Variants in CREBBP observed in about 807,000 individuals in gnomAD.
The protein encoded by CREBBP is CREB binding lysine acetyltransferase.
In CREBBP, 19 loss-of-function variants were observed where a neutral mutation model predicts 265.0. That is an observed-to-expected ratio of 0.07 (90% confidence interval 0.05 to 0.11). The LOEUF (loss-of-function observed/expected upper bound fraction) is 0.11, where lower values mean the gene tolerates loss of function less well. Among genes scored for constraint, CREBBP ranks in the 10% least tolerant of loss-of-function variants. The probability of loss-of-function intolerance (pLI) is 1.00; values close to 1 mark genes in which losing one functional copy is unlikely to be tolerated. For missense variants in CREBBP, 2,525 were observed against 3,219.0 expected (o/e 0.78, Z 5.22); for synonymous variants, 1,457 against 1,223.7 (o/e 1.19, Z -3.98).
Position 3,782,692 on chromosome 16 carries a change from T to C in CREBBP, c.1565A>G (p.Asn522Ser), listed in dbSNP as rs61754521. The C allele has an allele frequency of 6.6e-5, 106 of 1,613,690 alleles. No individual in the cohort carries two copies. Among genetic ancestry groups the C allele is most frequent in the Non-Finnish European group, 8.6e-5 (101 of 1,179,916 alleles). The change falls in exon 6 of 31, where the codon AAC (asparagine) becomes AGC (serine). Residue 522 changes from asparagine (N) to serine (S), a missense_variant. Asn to Ser is a conservative substitution (Grantham distance 46, BLOSUM62 1). Transcript: ENST00000262367. ...AGAGTTCCTTCACCTACCCAGGGGGTTGAGAGTCCTCATCTGCTGGTGGGT... is the reference window on the plus strand; with the variant it reads ...AGAGTTCCTTCACCTACCCAGGGGGCTGAGAGTCCTCATCTGCTGGTGGGT... Reference protein sequence around the residue: ...PQTHQQMRTLNPLGNNPMNIP... With the variant: ...PQTHQQMRTLSPLGNNPMNIP...
intron 2 of CREBBP, among the ~76,000 whole-genome samples, chr16:3,826,906 G>A (rs961672659): frequency 1.3e-5 from 2 of 152,150 alleles, no homozygotes; most frequent in African/African-American, 4.8e-5. Flanking sequence ...AAAGGTAAGA[G>A]GCTAACAATA....
At chr16:3,830,826 G>C (rs1392939612) in intron 2 of CREBBP, among the ~76,000 whole-genome samples, 2 of 152,108 alleles carry the variant, frequency 1.3e-5, no homozygotes, top group South Asian at 2.1e-4. Flanking sequence ...TCCGTACCCA[G>C]GCTGAAGTGC....
At chr16:3,769,136 G>A (rs199594207) in intron 15 of CREBBP, 38 bp downstream of exon 15, 143 of 1,611,964 alleles carry the variant, frequency 8.9e-5, no homozygotes, top group Non-Finnish European at 1.1e-4. Context: ...GTAAAGTTGC[G>A]ATACGCAGTC....
At chr16:3,762,935 C>T (rs779805462) in intron 16 of CREBBP, among the ~76,000 whole-genome samples, 6 of 151,974 alleles carry the variant, frequency 3.9e-5, no homozygotes, top group Admixed American at 1.3e-4. Flanking sequence ...TCACCATGGC[C>T]GGCTAATTTT....
intron 1 of CREBBP, among the ~76,000 whole-genome samples, chr16:3,865,788 G>A (rs557125317): frequency 1.3e-5 from 2 of 152,124 alleles, no homozygotes; most frequent in South Asian, 2.1e-4. Context: ...ACAGGTGCAC[G>A]CCATCACACC....
chr16:3,849,420 T>TGTGTGTGTGTGTGTGTGTG (rs2054744220), intron 2 of CREBBP, among the ~76,000 whole-genome samples: 2 of 6,784 alleles, frequency 2.9e-4, no homozygotes, highest in African/African-American at 3.5e-4. Flanking sequence ...TGTGTGTGTG[T>TGTGTGTGTGTGTGTGTGTG]GTGTGTGTGT....
chr16:3,843,965 G>C lies in CREBBP; in HGVS notation c.798+6332C>G, dbSNP rs560441696. ...AGATCGAGACCATCCCGGCTAAAAC[G>C]GTGAAACCCCGTCTCTACTAAAAAT... On this transcript the variant is annotated intron_variant, in intron 2 of 30. Transcript: ENST00000262367. Among the ~76,000 whole-genome samples, 3 of 150,852 alleles carry C rather than the reference G, an allele frequency of 2.0e-5. No individual in the cohort carries two copies. In the South Asian group the frequency reaches 6.3e-4, roughly 32 times the overall value.
In CREBBP at chr16:3,841,264, G is replaced by A. The variant is rs548129151; in HGVS notation, c.798+9033C>T. Among the ~76,000 whole-genome samples the A allele has an allele frequency of 6.6e-5, 10 of 152,048 alleles. No homozygotes were observed. The South Asian group carries it at 2.1e-3, about 32-fold the overall frequency. On this transcript the variant is annotated intron_variant, in intron 2 of 30. Transcript: ENST00000262367. ...TTGACTCGAAGCCAAGAGGACATAA[G>A]CATCCCCATGTGTTTTAGAAGCCCA...
intron 1 of CREBBP, among the ~76,000 whole-genome samples, chr16:3,853,393 G>A (rs1001827186): frequency 2.7e-5 from 4 of 148,004 alleles, no homozygotes; most frequent in South Asian, 2.2e-4. Flanking sequence ...GGCGGATCAC[G>A]AGGTCAGGAG....
intron 1 of CREBBP, among the ~76,000 whole-genome samples, chr16:3,856,107 A>AC (rs990538836): frequency 3.3e-4 from 50 of 152,112 alleles, no homozygotes; most frequent in African/African-American, 9.9e-4. Context: ...GAAAATATGT[A>AC]CCCCCCCAAA....
chr16:3,738,046 A>G (rs1272490243), intron 26 of CREBBP, among the ~76,000 whole-genome samples: 1 of 151,668 alleles, frequency 6.6e-6, no homozygotes, highest in Non-Finnish European at 1.5e-5. Context: ...TCGGCCTCCC[A>G]AAGTGCTGAG....
At chr16:3,770,543 A>G (rs1388374741) in intron 14 of CREBBP, 27 bp downstream of exon 14, 3 of 1,608,072 alleles carry the variant, frequency 1.9e-6, no homozygotes, top group Non-Finnish European at 2.5e-6. Context: ...GTCTTGGCCC[A>G]AAAACAGCAG....
intron 13 of CREBBP, 83 bp from the exon 14 acceptor site, chr16:3,771,069 A>G (rs1463286271): frequency 1.0e-5 from 16 of 1,555,152 alleles, no homozygotes; most frequent in Non-Finnish European, 1.3e-5. Context: ...AAATGTATGA[A>G]AAAAAAATTT....
chr16:3,783,789 A>T (rs567971633), intron 5 of CREBBP, among the ~76,000 whole-genome samples: 6 of 152,330 alleles, frequency 3.9e-5, no homozygotes, highest in African/African-American at 1.4e-4. Context: ...CAGCTAGCTA[A>T]CCCCAGGAGA....
At chr16:3,848,878 A>G (rs2141477284) in intron 2 of CREBBP, among the ~76,000 whole-genome samples, 1 of 152,342 alleles carries the variant, frequency 6.6e-6, no homozygotes, top group Non-Finnish European at 1.5e-5. Flanking sequence ...CCTCTCTACT[A>G]ACATTTCAAA....
chr16:3,744,903 T>G lies in CREBBP; in HGVS notation c.3973A>C (p.Ser1325Arg), dbSNP rs375750157. 14 of 1,613,806 alleles carry G rather than the reference T, an allele frequency of 8.7e-6. No individual in the cohort carries two copies. Among genetic ancestry groups the G allele is most frequent in the Non-Finnish European group, 1.2e-5 (14 of 1,179,650 alleles). Residue 1325 changes from serine (S) to arginine (R), a missense_variant, in exon 23 of 31, where the codon AGT becomes CGT. Physicochemically the swap from Ser to Arg is moderately radical, Grantham distance 110. This residue lies in a region of CREBBP where 252 missense variants were observed against 452.5 expected (regional missense o/e 0.56). Coordinates refer to ENST00000262367, the MANE Select transcript of CREBBP (RefSeq NM_004380.3). ...TGRPRKENKF[S>R]AKRLQTTRLG... Reference sequence around the variant, plus strand: ...GCTTCCCGAAACTTACTCTTAGCACTGAATTTGTTTTCTTTTCGAGGTCTG... The same window carrying G: ...GCTTCCCGAAACTTACTCTTAGCACGGAATTTGTTTTCTTTTCGAGGTCTG...
rs1567360681 is a variant in CREBBP at position 3,849,447 on chromosome 16, GTGTGTGT to G, written c.798+843_798+849del. Among the ~76,000 whole-genome samples the G allele has an allele frequency of 7.9e-3, 251 of 31,796 alleles. 21 individuals are homozygous for G. The highest frequency in any genetic ancestry group is 0.02 in the Non-Finnish European group (184 of 9,046). The allele number at this position is 31,796 out of a possible 152,430, so 20.9% of individuals were successfully genotyped here. ...TGTGTGTGTGTGTGTGTGTGTGTGT[GTGTGTGT>G]GTGTGTGTGTGTGTGTGTGTGTGTG... is the stretch of plus-strand genomic sequence containing the variant. On this transcript the variant is annotated intron_variant, in intron 2 of 30. Coordinates refer to ENST00000262367, the MANE Select transcript of CREBBP (RefSeq NM_004380.3).
intron 2 of CREBBP, among the ~76,000 whole-genome samples, chr16:3,839,297 C>T (rs752748558): frequency 6.6e-6 from 1 of 152,246 alleles, no homozygotes; most frequent in African/African-American, 2.4e-5. Context: ...GCTATTACTA[C>T]TGCTGCTGCA....
chr16:3,855,171 A>C (rs1248782053), intron 1 of CREBBP, among the ~76,000 whole-genome samples: 8 of 152,262 alleles, frequency 5.3e-5, no homozygotes, highest in Non-Finnish European at 1.0e-4. Flanking sequence ...CTAATTCAGG[A>C]TCATGGTGCA....
Sources: gnomAD v4.1 joint callset for allele counts (sites outside exome capture counted in the v4.1 genomes callset) on GRCh38, gnomAD v4.1.1 for gene constraint, gnomAD v4.1.1 regional missense constraint, MANE v1.5 for transcripts, NCBI Gene and HGNC (gene_info 2026-07-23, HGNC 2026-07-21) for gene names.